The following PRDM5 variants were observed in gnomAD, a reference collection of about 807,000 sequenced individuals.
PRDM5 encodes the protein PR/SET domain 5.
Under a neutral mutation model 81.2 loss-of-function variants are expected in PRDM5, and 56 were observed. The observed-to-expected ratio is 0.69, with a 90% confidence interval of 0.56 to 0.86. The LOEUF (loss-of-function observed/expected upper bound fraction) is 0.86. Among genes scored for constraint, PRDM5 ranks in the 40% least tolerant of loss-of-function variants. PRDM5 has a pLI of 0.00. For missense variants in PRDM5, 697 were observed against 770.1 expected (o/e 0.91, Z 1.12); for synonymous variants, 267 against 256.4 (o/e 1.04, Z -0.39).
intron 15 of PRDM5, among the ~76,000 whole-genome samples, chr4:120,699,517 C>A (rs1052155192): frequency 6.6e-6 from 1 of 152,094 alleles, no homozygotes; most frequent in African/African-American, 2.4e-5. Context: ...GACTGTCAGC[C>A]AACCAGCACC....
At chr4:120,777,164 C>G in intron 13 of PRDM5, 24 bp downstream of exon 13, 1 of 1,612,934 alleles carries the variant, frequency 6.2e-7, no homozygotes, top group Non-Finnish European at 8.5e-7. Context: ...GGTTTTTTCA[C>G]TAGTCTAATT....
chr4:120,757,859 C>CCTTCTTCTTCTTTCTCTTCTCTTCTCCTT, intron 13 of PRDM5, among the ~76,000 whole-genome samples: 1 of 151,028 alleles, frequency 6.6e-6, no homozygotes, highest in Non-Finnish European at 1.5e-5. Flanking sequence ...TCCTCCTCCT[C>CCTTCTTCTTCTTTCTCTTCTCTTCTCCTT]CTTCTTCTTC....
chr4:120,853,639 C>A, intron 2 of PRDM5, 99 bp from the exon 3 acceptor site: 1 of 1,463,794 alleles, frequency 6.8e-7, no homozygotes, highest in Non-Finnish European at 9.5e-7. Context: ...AAGTATATAC[C>A]TTTTTTATTG....
intron 2 of PRDM5, among the ~76,000 whole-genome samples, chr4:120,889,612 C>T (rs1336922326): frequency 6.6e-6 from 1 of 152,102 alleles, no homozygotes; most frequent in Non-Finnish European, 1.5e-5. Context: ...GGGACATATG[C>T]ACACACAAGT....
Position 120,743,520 on chromosome 4 carries a change from G to A in PRDM5, c.1623+11033C>T, listed in dbSNP as rs1408504030. ...AAGAGTCAAGACCCATCAGTGTGCTGTATTCAGGAAACCCATCTCACGTGC... is the reference window on the plus strand; with the variant it reads ...AAGAGTCAAGACCCATCAGTGTGCTATATTCAGGAAACCCATCTCACGTGC... On this transcript the variant is annotated intron_variant, in intron 14 of 15. Coordinates refer to ENST00000264808, the MANE Select transcript of PRDM5 (RefSeq NM_018699.4). Among the ~76,000 whole-genome samples, 13 of 136,712 alleles carry A rather than the reference G, an allele frequency of 9.5e-5. No homozygotes were observed. In the East Asian group the frequency reaches 1.7e-3, roughly 17 times the overall value. The allele number at this position is 136,712 out of a possible 152,430, so 89.7% of individuals were successfully genotyped here. A position where few individuals can be genotyped will look rare whatever the true frequency, so the allele number is the denominator to read the frequency against.
chr4:120,719,244 G>C (rs1056567189), intron 14 of PRDM5, among the ~76,000 whole-genome samples: 7 of 152,156 alleles, frequency 4.6e-5, no homozygotes, highest in Admixed American at 4.6e-4. Context: ...CGTCCCCTGG[G>C]GGGCAAACCA....
rs1354182653 is a variant in PRDM5, at chr4:120,784,900, T to C, written c.1282+98A>G. ...GTTTACAGTCAGATTATATAAATAC[T>C]TATAGGCACACCTCTGGGATGTCTA... On this transcript the variant is annotated intron_variant, in intron 11 of 15. Transcript: ENST00000264808. The C allele has an allele frequency of 3.1e-6, 3 of 968,090 alleles. No individual in the cohort carries two copies. The African/African-American group carries it at 4.9e-5, about 16-fold the overall frequency. The allele number at this position is 968,090 out of a possible 1,614,324, so 60.0% of individuals were successfully genotyped here.
chr4:120,701,843 T>C (rs912935406), intron 15 of PRDM5, among the ~76,000 whole-genome samples: 1 of 151,932 alleles, frequency 6.6e-6, no homozygotes. Context: ...AAAATGGGAA[T>C]CAAAGAGGTA....
At chr4:120,713,055 A>G (rs1404211149) in intron 14 of PRDM5, among the ~76,000 whole-genome samples, 1 of 152,174 alleles carries the variant, frequency 6.6e-6, no homozygotes, top group Non-Finnish European at 1.5e-5. Context: ...ACCATTTTAT[A>G]CTCCAATATT....
chr4:120,887,444 C>G lies in PRDM5; in HGVS notation c.177+20030G>C, dbSNP rs1763562553. Among the ~76,000 whole-genome samples, 3 of 152,160 alleles carry G rather than the reference C, an allele frequency of 2.0e-5. No individual in the cohort carries two copies. The South Asian group carries it at 6.2e-4, about 32-fold the overall frequency. ...CACTCTTGCCTCTCTACCTGTTCTC[C>G]ACGAGGCAGACACAAAGACCTTCTC... On this transcript the variant is annotated intron_variant, in intron 2 of 15. Transcript: ENST00000264808.
At chr4:120,794,773 GCCACAACACC>G (rs887884700) in intron 10 of PRDM5, among the ~76,000 whole-genome samples, 4 of 151,942 alleles carry the variant, frequency 2.6e-5, no homozygotes, top group African/African-American at 9.7e-5. Context: ...ACAGGCGTGC[GCCACAACACC>G]CGGCTAATTT....
At chr4:120,686,934 CAA>C (rs1029904093), downstream of PRDM5, among the ~76,000 whole-genome samples, 1 of 151,912 alleles carries the variant, frequency 6.6e-6, no homozygotes, top group African/African-American at 2.4e-5. Flanking sequence ...AGATAAAATT[CAA>C]ACTCAGAATT....
intron 14 of PRDM5, among the ~76,000 whole-genome samples, chr4:120,715,321 C>T (rs1470067914): frequency 2.6e-5 from 4 of 151,930 alleles, no homozygotes; most frequent in African/African-American, 9.7e-5. Flanking sequence ...GCCTTTTTTC[C>T]GGGATATGGA....
chr4:120,785,425 A>G (rs1749643347), intron 10 of PRDM5, among the ~76,000 whole-genome samples: 1 of 152,134 alleles, frequency 6.6e-6, no homozygotes, highest in African/African-American at 2.4e-5. Context: ...TCTGAAAACT[A>G]AGCCTCCCCT....
At chr4:120,701,995 C>G (rs1043057478) in intron 15 of PRDM5, among the ~76,000 whole-genome samples, 1 of 152,134 alleles carries the variant, frequency 6.6e-6, no homozygotes, top group Non-Finnish European at 1.5e-5. Flanking sequence ...CCCCTCTCTG[C>G]AGGAAATGTT....
chr4:120,769,502 G>A (rs1408523545), intron 13 of PRDM5, among the ~76,000 whole-genome samples: 1 of 152,172 alleles, frequency 6.6e-6, no homozygotes, highest in Non-Finnish European at 1.5e-5. Context: ...GTCGGTAGTT[G>A]ATAAGTCTCA....
chr4:120,883,157 A>C (rs1343063425), intron 2 of PRDM5, among the ~76,000 whole-genome samples: 1 of 152,170 alleles, frequency 6.6e-6, no homozygotes, highest in Admixed American at 6.6e-5. Context: ...CACATTACTT[A>C]CATTTTCCCC....
intron 14 of PRDM5, among the ~76,000 whole-genome samples, chr4:120,748,235 C>T (rs2149133611): frequency 6.6e-6 from 1 of 152,266 alleles, no homozygotes; most frequent in East Asian, 1.9e-4. Flanking sequence ...ACAAAGACAA[C>T]AGAGATAAGA....
At chr4:120,740,803 A>G (rs1352408379) in intron 14 of PRDM5, among the ~76,000 whole-genome samples, 1 of 152,194 alleles carries the variant, frequency 6.6e-6, no homozygotes, top group African/African-American at 2.4e-5. Context: ...TAGAACTGAT[A>G]ATGTCACTCC....
Sources: allele counts gnomAD v4.1 joint callset (sites outside exome capture counted in the v4.1 genomes callset), GRCh38; gene constraint gnomAD v4.1.1; transcripts MANE v1.5; gene names NCBI Gene and HGNC (gene_info 2026-07-23, HGNC 2026-07-21).